SHISA5: variants seen among roughly 807,000 people sequenced by gnomAD.
The protein encoded by SHISA5 is protein shisa-5.
SHISA5 carries 21 observed loss-of-function variants against 27.5 expected under a neutral mutation model. The ratio of observed to expected loss-of-function variants is 0.76; its 90% confidence interval spans 0.54 to 1.10. The LOEUF is 1.10. SHISA5 is among the 50% of genes least tolerant of loss of function. SHISA5 has a pLI of 0.00. For synonymous variants in SHISA5, 137 were observed against 142.2 expected (o/e 0.96, Z 0.26); for missense variants, 314 against 336.3 (o/e 0.93, Z 0.52).
chr3:48,469,240 G>A lies in SHISA5; in HGVS notation c.644-54C>T, dbSNP rs576785515. 3 of 1,595,736 alleles carry A rather than the reference G, an allele frequency of 1.9e-6. No individual in the cohort carries two copies. The African/African-American group carries it at 4.0e-5, about 21-fold the overall frequency. On this transcript the variant is annotated intron_variant, in intron 5 of 5. Coordinates refer to ENST00000296444, the MANE Select transcript of SHISA5 (RefSeq NM_016479.6). The surrounding 1 kb of genome is among the most constrained non-coding windows in gnomAD (Gnocchi z 4.6). ...GTGAGCATGGTGGGCTGCCGTGTGA[G>A]TGGCAGGCAAGCAGAAAGGGGCAGA...
At position 48,468,863 on chromosome 3, in the gene SHISA5, G is replaced by A. The variant is rs1268677479; in HGVS notation, c.*244C>T. On this transcript the variant is annotated 3_prime_UTR_variant, in exon 6 of 6. Transcript: ENST00000296444. ...TGAGTTTGGCTTGAGATTTTAGGAA[G>A]CATAATTTCAGGTGAGGAAGAGAAC... The A allele has an allele frequency of 4.6e-6, 7 of 1,523,004 alleles. No homozygotes were observed. Among genetic ancestry groups the A allele is most frequent in the Non-Finnish European group, 2.6e-6 (3 of 1,138,742 alleles). 94.3% of individuals were successfully genotyped at this position (1,523,004 alleles called of 1,614,324 possible).
intron 3 of SHISA5, among the ~76,000 whole-genome samples, chr3:48,478,422 T>C (rs1436328858): frequency 1.3e-5 from 2 of 152,112 alleles, no homozygotes; most frequent in African/African-American, 4.8e-5. Context: ...CCTGCCCTCC[T>C]GGGCAGACCT....
chr3:48,499,079 T>C (rs1343322950), intron 2 of SHISA5, among the ~76,000 whole-genome samples: 3 of 114,740 alleles, frequency 2.6e-5, no homozygotes, highest in Non-Finnish European at 3.5e-5. Flanking sequence ...CGAAACTCCA[T>C]CTCAAAAAAA....
intron 2 of SHISA5, among the ~76,000 whole-genome samples, chr3:48,488,672 A>G (rs1416730001): frequency 1.3e-5 from 2 of 151,274 alleles, no homozygotes; most frequent in Non-Finnish European, 2.9e-5. Context: ...CGTCTCTACT[A>G]AAAACACAAA....
At chr3:48,486,903 G>A (rs2041265369) in intron 2 of SHISA5, among the ~76,000 whole-genome samples, 1 of 145,972 alleles carries the variant, frequency 6.9e-6, no homozygotes, top group South Asian at 2.1e-4. Context: ...CTGGGTGACA[G>A]AGACAAGACT....
At chr3:48,486,974 G>T (rs1302325572) in intron 2 of SHISA5, among the ~76,000 whole-genome samples, 1 of 151,534 alleles carries the variant, frequency 6.6e-6, no homozygotes, top group Non-Finnish European at 1.5e-5. Flanking sequence ...GGCCAGGTGT[G>T]GCGGCTCATG....
intron 2 of SHISA5, among the ~76,000 whole-genome samples, chr3:48,488,546 T>G (rs1209662499): frequency 7.0e-6 from 1 of 143,500 alleles, no homozygotes; most frequent in Non-Finnish European, 1.5e-5. Context: ...TAGTAAAATG[T>G]GAAAAGGCCG....
At chr3:48,492,537 G>A (rs2107367134) in intron 2 of SHISA5, among the ~76,000 whole-genome samples, 1 of 148,040 alleles carries the variant, frequency 6.8e-6, no homozygotes, top group East Asian at 1.9e-4. Context: ...GATGGGATTA[G>A]TGTCCTTATA....
chr3:48,483,662 T>C (rs13088249), intron 2 of SHISA5, among the ~76,000 whole-genome samples: 17,873 of 149,082 alleles, frequency 0.12, 2,307 homozygotes, highest in African/African-American at 0.33. Flanking sequence ...CCAGTAGGGG[T>C]GGCCGGGCAG....
intron 2 of SHISA5, among the ~76,000 whole-genome samples, chr3:48,485,155 A>G (rs1178109505): frequency 6.6e-6 from 1 of 151,852 alleles, no homozygotes; most frequent in Non-Finnish European, 1.5e-5. Flanking sequence ...AGCCTGGGGG[A>G]CAGAGCAAGA....
At chr3:48,476,942 TC>T (rs1431529138) in intron 3 of SHISA5, 1 of 386,554 alleles carries the variant, frequency 2.6e-6, no homozygotes, top group Non-Finnish European at 5.0e-6. Flanking sequence ...ACAGAACAGG[TC>T]CCACATGCAC....
chr3:48,496,745 G>C (rs1406529933), intron 2 of SHISA5, among the ~76,000 whole-genome samples: 1 of 144,880 alleles, frequency 6.9e-6, no homozygotes, highest in Non-Finnish European at 1.5e-5. Context: ...AAAAAAAAAA[G>C]AAAAGAAATT....
In SHISA5 at chr3:48,473,494, C is replaced by T; in HGVS notation, c.315-3651G>A. 3.1e-6 allele frequency: 4 copies of T among 1,290,796 alleles called. No individual in the cohort carries two copies. The highest frequency in any genetic ancestry group is 1.2e-5 in the South Asian group (1 of 81,044). The allele number at this position is 1,290,796 out of a possible 1,614,324, so 80.0% of individuals were successfully genotyped here. ...GCATCCATCTAGGCCCAGAGGGCGA[C>T]CCTGGGGCCCTGGCTGACACACATG... On this transcript the variant is annotated intron_variant, in intron 3 of 5. Coordinates refer to ENST00000296444, the MANE Select transcript of SHISA5 (RefSeq NM_016479.6). This position sits in a 1 kb window ranked among gnomAD's most constrained non-coding sequence, Gnocchi z 4.3.
At chr3:48,479,480 C>T (rs1241838641) in intron 2 of SHISA5, 1 of 549,218 alleles carries the variant, frequency 1.8e-6, no homozygotes, top group Admixed American at 3.2e-5. Flanking sequence ...ATATGTTAGG[C>T]CACAAAACAA....
At chr3:48,503,528 A>G (rs1486820771) in intron 1 of SHISA5, among the ~76,000 whole-genome samples, 2 of 152,238 alleles carry the variant, frequency 1.3e-5, no homozygotes, top group Middle Eastern at 3.4e-3. Flanking sequence ...CCTATCTGCA[A>G]CCAACACACA....
chr3:48,479,271 AC>A lies in SHISA5; in HGVS notation c.234-15del, dbSNP rs1476239656. On this transcript the variant is annotated splice_polypyrimidine_tract_variant and intron_variant, in intron 2 of 5. Transcript: ENST00000296444. ...CTGGCAGGCACGCTGCAAACAGGAA[AC>A]CTTGTGATTAGCACAATGAAGCCCC... 2 of 1,600,256 alleles carry A rather than the reference AC, an allele frequency of 1.2e-6. No individual in the cohort carries two copies. The highest frequency in any genetic ancestry group is 1.7e-5 in the Admixed American group (1 of 58,390).
At chr3:48,483,837 C>T (rs1486131050) in intron 2 of SHISA5, among the ~76,000 whole-genome samples, 1 of 150,850 alleles carries the variant, frequency 6.6e-6, no homozygotes, top group South Asian at 2.1e-4. Flanking sequence ...ACCTCCCTCC[C>T]GGACAGGGCG....
At chr3:48,493,574 C>T (rs2041485232) in intron 2 of SHISA5, among the ~76,000 whole-genome samples, 1 of 119,870 alleles carries the variant, frequency 8.3e-6, no homozygotes, top group Non-Finnish European at 1.6e-5. Flanking sequence ...TCTGTCATCC[C>T]GGCTGAAGTG....
Position 48,469,633 on chromosome 3 carries a change from T to A in SHISA5, c.431-60A>T, listed in dbSNP as rs1208413223. On this transcript the variant is annotated intron_variant, in intron 4 of 5. Transcript: ENST00000296444. This position sits in a 1 kb window ranked among gnomAD's most constrained non-coding sequence, Gnocchi z 4.6. ...TCTCCCCAGGTCTTGAGAGCCAGGCTTGCCACCCATCCCTCCAGCTTAGCC... is the reference window on the plus strand; with the variant it reads ...TCTCCCCAGGTCTTGAGAGCCAGGCATGCCACCCATCCCTCCAGCTTAGCC... The A allele has an allele frequency of 1.3e-6, 2 of 1,593,120 alleles. No individual in the cohort carries two copies. The highest frequency in any genetic ancestry group is 1.7e-6 in the Non-Finnish European group (2 of 1,168,714).
Sources: gnomAD v4.1 joint callset for allele counts (sites outside exome capture counted in the v4.1 genomes callset) on GRCh38, gnomAD v4.1.1 for gene constraint, Gnocchi (gnomAD v3.1) non-coding constraint, MANE v1.5 for transcripts, NCBI Gene and HGNC (gene_info 2026-07-23, HGNC 2026-07-21) for gene names.